SUMF1: variants seen among roughly 807,000 people sequenced by gnomAD.
SUMF1 encodes the protein formylglycine-generating enzyme.
A neutral mutation model predicts 47.6 loss-of-function variants in SUMF1; 48 were observed. The observed-to-expected ratio is 1.01, with a 90% CI of 0.80 to 1.28. SUMF1 has a LOEUF of 1.28. SUMF1 is among the 50% of genes most tolerant of loss of function. The pLI, the probability that SUMF1 is intolerant of heterozygous loss-of-function variation, is 0.00. For missense variants in SUMF1, 571 were observed against 485.4 expected (o/e 1.18, Z -1.66); for synonymous variants, 230 against 192.1 (o/e 1.20, Z -1.63).
chr3:4,041,077 G>A (rs1397389619), intron 9 of SUMF1, among the ~76,000 whole-genome samples: 1 of 151,934 alleles, frequency 6.6e-6, no homozygotes, highest in Non-Finnish European at 1.5e-5. Context: ...TTTTGTTTTT[G>A]CTTTTGTTTT....
intron 8 of SUMF1, among the ~76,000 whole-genome samples, chr3:4,298,476 C>T (rs1258210202): frequency 1.3e-5 from 2 of 152,164 alleles, no homozygotes; most frequent in African/African-American, 4.8e-5. Flanking sequence ...GGAAGCACCA[C>T]TGCTGACAGC....
intron 8 of SUMF1, among the ~76,000 whole-genome samples, chr3:4,089,581 G>A (rs1692741374): frequency 6.6e-6 from 1 of 152,072 alleles, no homozygotes; most frequent in South Asian, 2.1e-4. Flanking sequence ...CAGGGATTAT[G>A]AATAAATAAA....
chr3:4,190,372 C>T (rs2125142049), intron 8 of SUMF1, among the ~76,000 whole-genome samples: 1 of 152,146 alleles, frequency 6.6e-6, no homozygotes, highest in East Asian at 1.9e-4. Flanking sequence ...ACCACGTAGG[C>T]TTGCATTACT....
chr3:4,220,230 G>A (rs1246737563), intron 8 of SUMF1, among the ~76,000 whole-genome samples: 1 of 152,136 alleles, frequency 6.6e-6, no homozygotes, highest in Non-Finnish European at 1.5e-5. Flanking sequence ...ATCTCTCTGT[G>A]TGTGTGCTGC....
intron 8 of SUMF1, among the ~76,000 whole-genome samples, chr3:4,093,579 T>C (rs1274005353): frequency 3.9e-5 from 6 of 152,010 alleles, no homozygotes; most frequent in Admixed American, 3.3e-4. Flanking sequence ...GTTTTCTAGA[T>C]AGAATATTAC....
chr3:4,114,930 G>A (rs1693387481), intron 8 of SUMF1, among the ~76,000 whole-genome samples: 1 of 152,100 alleles, frequency 6.6e-6, no homozygotes, highest in Non-Finnish European at 1.5e-5. Context: ...GAAGCACTGG[G>A]TGGAGAAACG....
intron 7 of SUMF1, among the ~76,000 whole-genome samples, chr3:4,399,568 T>C (rs1701142418): frequency 6.6e-6 from 1 of 152,008 alleles, no homozygotes. Flanking sequence ...TAAGCAGCAA[T>C]CACAGGCTGA....
At chr3:4,281,287 T>G (rs899506283) in intron 8 of SUMF1, among the ~76,000 whole-genome samples, 1 of 152,102 alleles carries the variant, frequency 6.6e-6, no homozygotes, top group Non-Finnish European at 1.5e-5. Flanking sequence ...GGAGACTCTT[T>G]GTGATGTTAT....
chr3:4,296,199 A>G (rs1697846786), intron 8 of SUMF1, among the ~76,000 whole-genome samples: 1 of 151,962 alleles, frequency 6.6e-6, no homozygotes, highest in African/African-American at 2.4e-5. Flanking sequence ...CCCTTCCACC[A>G]GATAGAAATT....
intron 8 of SUMF1, among the ~76,000 whole-genome samples, chr3:4,207,683 C>T (rs1304144): frequency 0.66 from 100,114 of 151,872 alleles, 33,101 homozygotes; most frequent in South Asian, 0.72. Context: ...AAACAACAAA[C>T]AAAAAACTAA....
chr3:4,359,192 A>C (rs529064071), downstream of SUMF1, among the ~76,000 whole-genome samples: 8 of 152,188 alleles, frequency 5.3e-5, no homozygotes, highest in Non-Finnish European at 1.2e-4. Context: ...AAGTGTAGTG[A>C]CTATAGCTAT....
intron 7 of SUMF1, among the ~76,000 whole-genome samples, chr3:4,392,870 G>T: frequency 6.6e-6 from 1 of 150,698 alleles, no homozygotes; most frequent in Non-Finnish European, 1.5e-5. Context: ...TATTTGTGTT[G>T]CATACTTGAA....
chr3:4,099,531 T>C (rs961119399), intron 8 of SUMF1, among the ~76,000 whole-genome samples: 2 of 152,046 alleles, frequency 1.3e-5, no homozygotes, highest in South Asian at 4.1e-4. Flanking sequence ...GTCAAATGCT[T>C]TCCATCTAAG....
chr3:4,158,015 T>C (rs1171369044), intron 8 of SUMF1, among the ~76,000 whole-genome samples: 1 of 151,600 alleles, frequency 6.6e-6, no homozygotes, highest in Admixed American at 6.6e-5. Context: ...TCATTTAAAC[T>C]AGTGCCTTAA....
At chr3:4,141,616 T>C (rs1340985078) in intron 8 of SUMF1, among the ~76,000 whole-genome samples, 2 of 152,098 alleles carry the variant, frequency 1.3e-5, no homozygotes, top group East Asian at 3.8e-4. Flanking sequence ...TGAGCTAAGA[T>C]CATGCCACTG....
rs372570499 is a variant in SUMF1 at position 4,194,606 on chromosome 3, G to C, written c.1015-125861C>G. Among the ~76,000 whole-genome samples the C allele has an allele frequency of 9.9e-5, 15 of 152,254 alleles. 3 individuals are homozygous for C. Among genetic ancestry groups the C allele is most frequent in the Admixed American group, 6.5e-5 (1 of 15,274 alleles). On this transcript the variant is annotated intron_variant and NMD_transcript_variant, in intron 8 of 12. Transcript: ENST00000448413. ...ATGTATAATAATAACAGACTCAAAA[G>C]TTCTACCTAACTTTTCAAGTTGTGG...
chr3:4,411,022 G>C, intron 6 of SUMF1, 44 bp from the exon 7 acceptor site: 2 of 1,507,886 alleles, frequency 1.3e-6, no homozygotes, highest in Non-Finnish European at 1.8e-6. Flanking sequence ...TATTCACCTG[G>C]TTTAAAAAAC....
intron 8 of SUMF1, among the ~76,000 whole-genome samples, chr3:4,079,582 AATCT>A (rs768555917): frequency 6.6e-6 from 1 of 151,628 alleles, no homozygotes; most frequent in African/African-American, 2.4e-5. Flanking sequence ...GTTTGCACTA[AATCT>A]ATCTAAGTTC....
chr3:4,134,984 C>T (rs1417326272), intron 8 of SUMF1, among the ~76,000 whole-genome samples: 5 of 152,082 alleles, frequency 3.3e-5, no homozygotes. Context: ...TAATCAATAG[C>T]TTACCAACCA....
Sources: allele counts gnomAD v4.1 joint callset (sites outside exome capture counted in the v4.1 genomes callset), GRCh38; gene constraint gnomAD v4.1.1; transcripts MANE v1.5; gene names NCBI Gene and HGNC (gene_info 2026-07-23, HGNC 2026-07-21).